The following SEC23A variants were observed in gnomAD, a reference collection of about 807,000 sequenced individuals.
The protein encoded by SEC23A is SEC23 homolog A, COPII component, also known as protein transport protein Sec23A.
A neutral mutation model predicts 103.7 loss-of-function variants in SEC23A; 56 were observed. That is an observed-to-expected ratio of 0.54 (90% CI 0.44 to 0.67). SEC23A has a LOEUF of 0.67. SEC23A is among the 30% of genes least tolerant of loss of function. The pLI is 0.00. For missense variants in SEC23A, 784 were observed against 936.4 expected (o/e 0.84, Z 2.12); for synonymous variants, 281 against 293.0 (o/e 0.96, Z 0.42).
intron 16 of SEC23A, among the ~76,000 whole-genome samples, chr14:39,044,451 CATT>C (rs142868887): frequency 0.034 from 5,127 of 152,122 alleles, 305 homozygotes; most frequent in African/African-American, 0.12. Context: ...ATATTTTACC[CATT>C]ATTTTACAAA....
At chr14:39,067,132 C>A (rs774409411) in intron 10 of SEC23A, 41 bp downstream of exon 10, 8 of 1,611,210 alleles carry the variant, frequency 5.0e-6, no homozygotes, top group Non-Finnish European at 6.8e-6. Flanking sequence ...TATAAGTTGT[C>A]TTTTGATAAC....
At chr14:39,038,751 T>A (rs528127506) in intron 19 of SEC23A, among the ~76,000 whole-genome samples, 6 of 152,348 alleles carry the variant, frequency 3.9e-5, no homozygotes, top group South Asian at 2.1e-4. Flanking sequence ...CCTTTTGTGG[T>A]TCACAACCTA....
At chr14:39,071,240 C>T (rs1213116152) in intron 9 of SEC23A, among the ~76,000 whole-genome samples, 1 of 152,124 alleles carries the variant, frequency 6.6e-6, no homozygotes, top group African/African-American at 2.4e-5. Context: ...AAGAAGTCCA[C>T]AGAAAAACTA....
At chr14:39,067,666 C>CTT (rs762046832) in intron 9 of SEC23A, among the ~76,000 whole-genome samples, 11 of 82,138 alleles carry the variant, frequency 1.3e-4, no homozygotes, top group East Asian at 3.0e-4. Context: ...CATGCATTCT[C>CTT]TTTTTTTTTT....
In SEC23A at chr14:39,064,936, T is replaced by C; in HGVS notation, c.1285A>G (p.Lys429Glu). The C allele has an allele frequency of 1.9e-6, 3 of 1,612,926 alleles. No homozygotes were observed. The highest frequency in any genetic ancestry group is 1.7e-6 in the Non-Finnish European group (2 of 1,178,894). Reference sequence around the variant, plus strand: ...ACATTTTCAGACACACAGGGTCCTTTAGAATTGAGTGACACACAGGGTCCA... The same window carrying C: ...ACATTTTCAGACACACAGGGTCCTTCAGAATTGAGTGACACACAGGGTCCA... The part of the protein sequence containing the change: ...AIGPCVSLNS[K>E]GPCVSENEIG... The change falls in exon 11 of 20, where the codon AAA (lysine) becomes GAA (glutamate). Residue 429 changes from lysine (K) to glutamate (E), a missense_variant. Lys to Glu is a moderately conservative substitution (Grantham distance 56). Around this residue, in one of 2 missense-constraint regions of SEC23A, gnomAD observed 683 missense variants for 774.2 expected, o/e 0.88. Coordinates refer to ENST00000307712, the MANE Select transcript of SEC23A (RefSeq NM_006364.4).
chr14:39,059,182 T>C (rs896694973), intron 13 of SEC23A, among the ~76,000 whole-genome samples: 1 of 146,848 alleles, frequency 6.8e-6, no homozygotes, highest in South Asian at 2.1e-4. Flanking sequence ...ACATGAAAAA[T>C]AGAGTAACTT....
intron 19 of SEC23A, among the ~76,000 whole-genome samples, chr14:39,036,011 G>A (rs932266957): frequency 1.3e-5 from 2 of 151,970 alleles, no homozygotes; most frequent in Non-Finnish European, 2.9e-5. Flanking sequence ...CCGCCCTCAT[G>A]AAACAATTAA....
intron 9 of SEC23A, 107 bp from the exon 10 acceptor site, chr14:39,067,403 A>G: frequency 8.1e-7 from 1 of 1,239,450 alleles, no homozygotes; most frequent in Non-Finnish European, 1.1e-6. Context: ...AATTTTAAAG[A>G]TATTTCCCAA....
chr14:39,080,155 C>T (rs1887174100), intron 7 of SEC23A, among the ~76,000 whole-genome samples: 1 of 151,988 alleles, frequency 6.6e-6, no homozygotes, highest in Non-Finnish European at 1.5e-5. Context: ...CCACTAAATC[C>T]CCGTGAACTG....
intron 12 of SEC23A, 40 bp downstream of exon 12, chr14:39,063,284 T>C (rs1231129453): frequency 8.5e-7 from 1 of 1,180,756 alleles, no homozygotes; most frequent in Admixed American, 1.7e-5. Context: ...TATTCAAATG[T>C]ACGTTGTACG....
chr14:39,091,775 C>A, intron 4 of SEC23A, 62 bp from the exon 5 acceptor site: 1 of 1,038,786 alleles, frequency 9.6e-7, no homozygotes, highest in South Asian at 1.3e-5. Context: ...ACAAGACAGT[C>A]AACAGGGAAC....
intron 15 of SEC23A, among the ~76,000 whole-genome samples, chr14:39,048,272 C>A (rs561985673): frequency 3.3e-5 from 5 of 152,024 alleles, no homozygotes; most frequent in African/African-American, 1.2e-4. Context: ...AAAATAGATA[C>A]CATAAAAAGA....
chr14:39,063,486 G>A, intron 11 of SEC23A, 73 bp from the exon 12 acceptor site: 4 of 943,818 alleles, frequency 4.2e-6, no homozygotes, highest in Admixed American at 2.2e-5. Context: ...AGTGAAAATG[G>A]AAAAAGACCA....
At chr14:39,099,947 CCTCA>C (rs1384986277) in intron 1 of SEC23A, among the ~76,000 whole-genome samples, 1 of 151,862 alleles carries the variant, frequency 6.6e-6, no homozygotes, top group Admixed American at 6.6e-5. Flanking sequence ...CATTAGGAAA[CCTCA>C]CTAAGAAAGG....
intron 17 of SEC23A, among the ~76,000 whole-genome samples, chr14:39,042,016 G>C (rs566651126): frequency 6.6e-6 from 1 of 152,170 alleles, no homozygotes; most frequent in East Asian, 1.9e-4. Flanking sequence ...TGAACTCCTG[G>C]GCTCAAGTAA....
At chr14:39,092,308 G>C (rs571274580) in intron 4 of SEC23A, among the ~76,000 whole-genome samples, 1 of 152,222 alleles carries the variant, frequency 6.6e-6, no homozygotes, top group East Asian at 1.9e-4. Flanking sequence ...ATTGTTTACT[G>C]ATCTACTCAG....
intron 1 of SEC23A, 47 bp from the exon 2 acceptor site, chr14:39,096,186 A>G: frequency 8.0e-7 from 1 of 1,242,770 alleles, no homozygotes; most frequent in Non-Finnish European, 1.2e-6. Context: ...TCCTCTTAAG[A>G]ACGTTCAAAA....
intron 4 of SEC23A, among the ~76,000 whole-genome samples, chr14:39,091,926 G>A (rs1887677347): frequency 6.6e-6 from 1 of 152,170 alleles, no homozygotes; most frequent in African/African-American, 2.4e-5. Context: ...TAGTTACACA[G>A]AGGGGACTTT....
At chr14:39,070,737 C>T (rs7140282) in intron 9 of SEC23A, among the ~76,000 whole-genome samples, 41,821 of 149,300 alleles carry the variant, frequency 0.28, 6,715 homozygotes, top group Non-Finnish European at 0.36. Flanking sequence ...TGGTAGAAGA[C>T]TAAACAGGGC....
Sources: allele counts gnomAD v4.1 joint callset (sites outside exome capture counted in the v4.1 genomes callset), GRCh38; gene constraint gnomAD v4.1.1; regional missense constraint gnomAD v4.1.1; transcripts MANE v1.5; gene names NCBI Gene and HGNC (gene_info 2026-07-23, HGNC 2026-07-21).